The following MACROD2 variants were observed in gnomAD, a reference collection of about 807,000 sequenced individuals.
MACROD2 encodes mono-ADP ribosylhydrolase 2.
A neutral mutation model predicts 70.4 loss-of-function variants in MACROD2; 36 were observed. The ratio of observed to expected loss-of-function variants is 0.51; its 90% CI spans 0.39 to 0.68. The LOEUF is 0.68. Ranked by LOEUF, MACROD2 falls within the 30% of genes least tolerant of loss-of-function variation. The probability of loss-of-function intolerance (pLI) is 0.00; values close to 1 mark genes in which losing one functional copy is unlikely to be tolerated. For missense variants in MACROD2, 496 were observed against 538.4 expected (o/e 0.92, Z 0.78); for synonymous variants, 172 against 178.8 (o/e 0.96, Z 0.30).
intron 5 of MACROD2, among the ~76,000 whole-genome samples, chr20:14,887,701 C>T (rs996507394): frequency 3.3e-5 from 5 of 152,024 alleles, no homozygotes; most frequent in Non-Finnish European, 5.9e-5. Flanking sequence ...TTGAGCATTT[C>T]TTGAAAAATA....
chr20:14,996,283 G>A (rs1036197811), intron 5 of MACROD2, among the ~76,000 whole-genome samples: 8 of 152,136 alleles, frequency 5.3e-5, no homozygotes, highest in Admixed American at 2.0e-4. Context: ...GGGAACTTCC[G>A]GAGGTCAGCC....
intron 8 of MACROD2, among the ~76,000 whole-genome samples, chr20:15,729,439 TGTTA>T (rs1174921060): frequency 6.6e-6 from 1 of 152,178 alleles, no homozygotes; most frequent in African/African-American, 2.4e-5. Context: ...TGAATATCTT[TGTTA>T]GTTTTTTGCG....
chr20:14,873,314 T>C (rs1669813902), intron 5 of MACROD2, among the ~76,000 whole-genome samples: 1 of 152,126 alleles, frequency 6.6e-6, no homozygotes, highest in African/African-American at 2.4e-5. Flanking sequence ...TTTTCTTTTA[T>C]TAGGTTTCTT....
chr20:14,705,459 A>G (rs919731643), intron 5 of MACROD2, among the ~76,000 whole-genome samples: 3 of 152,172 alleles, frequency 2.0e-5, no homozygotes, highest in African/African-American at 7.2e-5. Context: ...CTATATCCCC[A>G]GGACTGATTT....
At chr20:14,938,343 T>A (rs758547914) in intron 5 of MACROD2, among the ~76,000 whole-genome samples, 2 of 152,196 alleles carry the variant, frequency 1.3e-5, no homozygotes, top group South Asian at 4.1e-4. Flanking sequence ...CTTTAGATCC[T>A]TGTCAGCATC....
At chr20:15,131,140 C>T (rs1011387595) in intron 5 of MACROD2, among the ~76,000 whole-genome samples, 1 of 152,036 alleles carries the variant, frequency 6.6e-6, no homozygotes, top group Non-Finnish European at 1.5e-5. Flanking sequence ...TCTAATCATG[C>T]ACATAGAGGT....
At chr20:14,595,655 T>C (rs184277201) in intron 4 of MACROD2, among the ~76,000 whole-genome samples, 34 of 152,314 alleles carry the variant, frequency 2.2e-4, no homozygotes, top group African/African-American at 7.5e-4. Context: ...AGTCGAATTT[T>C]CTCTTCAGGA....
intron 8 of MACROD2, among the ~76,000 whole-genome samples, chr20:15,562,784 G>A (rs916383541): frequency 6.6e-6 from 1 of 152,196 alleles, no homozygotes; most frequent in Non-Finnish European, 1.5e-5. Context: ...CCATGGCAGA[G>A]ATGAAAATAA....
intron 5 of MACROD2, among the ~76,000 whole-genome samples, chr20:15,063,455 C>G (rs1181004975): frequency 1.3e-5 from 2 of 152,120 alleles, no homozygotes; most frequent in Non-Finnish European, 2.9e-5. Flanking sequence ...AAGAAGCCTG[C>G]CTATCATGGA....
chr20:14,814,148 G>GA (rs1330955456), intron 5 of MACROD2, among the ~76,000 whole-genome samples: 58 of 152,224 alleles, frequency 3.8e-4, no homozygotes, highest in African/African-American at 1.0e-3. Flanking sequence ...TTAAACATCA[G>GA]AATGGAGAAA....
At chr20:14,674,728 T>G (rs1396911638) in intron 4 of MACROD2, among the ~76,000 whole-genome samples, 3 of 152,196 alleles carry the variant, frequency 2.0e-5, no homozygotes. Flanking sequence ...ATATTATTAT[T>G]TGATTTCCCC....
At chr20:14,574,722 A>C (rs896434645) in intron 4 of MACROD2, among the ~76,000 whole-genome samples, 2 of 151,330 alleles carry the variant, frequency 1.3e-5, no homozygotes, top group Admixed American at 6.6e-5. Flanking sequence ...CATTTTATAA[A>C]TATTCACGGC....
intron 6 of MACROD2, among the ~76,000 whole-genome samples, chr20:15,400,531 TC>T (rs2045915119): frequency 6.6e-6 from 1 of 152,130 alleles, no homozygotes; most frequent in African/African-American, 2.4e-5. Flanking sequence ...CAATGCAAAG[TC>T]AATAGATATT....
In MACROD2 at chr20:14,227,511, C is replaced by G. The variant is rs144549197; in HGVS notation, c.271+141783C>G. 8.5e-3 allele frequency among the ~76,000 whole-genome samples: 1,301 copies of G among 152,202 alleles called. 6 individuals are homozygous for G. Among genetic ancestry groups the G allele is most frequent in the South Asian group, 0.015 (71 of 4,814 alleles). On this transcript the variant is annotated intron_variant, in intron 3 of 17. Transcript: ENST00000684519. ...GCCTTAAGAGCTGTAACACTCGCCG[C>G]CAAGGTCTGCAGCTTCACTCCTGAG...
intron 4 of MACROD2, among the ~76,000 whole-genome samples, chr20:14,663,462 T>C (rs1020080421): frequency 6.6e-6 from 1 of 151,458 alleles, no homozygotes; most frequent in South Asian, 2.1e-4. Context: ...AACCTGCACA[T>C]GTACCCCTGA....
intron 5 of MACROD2, among the ~76,000 whole-genome samples, chr20:14,979,854 A>G (rs1600902856): frequency 6.6e-6 from 1 of 152,202 alleles, no homozygotes; most frequent in Non-Finnish European, 1.5e-5. Flanking sequence ...TGCCTTTGTC[A>G]CTAAATTAAC....
intron 5 of MACROD2, among the ~76,000 whole-genome samples, chr20:15,185,771 A>G (rs1480419624): frequency 1.1e-4 from 16 of 152,232 alleles, no homozygotes. Flanking sequence ...TGCTTAGTTC[A>G]GAGTCGACTA....
chr20:14,668,568 C>A (rs943759652), intron 4 of MACROD2, among the ~76,000 whole-genome samples: 5 of 152,054 alleles, frequency 3.3e-5, no homozygotes, highest in African/African-American at 1.2e-4. Flanking sequence ...TGACTACTTT[C>A]TTAACAAAAA....
At chr20:14,882,877 G>A (rs1390499138) in intron 5 of MACROD2, among the ~76,000 whole-genome samples, 1 of 152,124 alleles carries the variant, frequency 6.6e-6, no homozygotes, top group Non-Finnish European at 1.5e-5. Flanking sequence ...TAGACCTTAT[G>A]TAACAGATGT....
Sources: gnomAD v4.1 joint callset for allele counts (sites outside exome capture counted in the v4.1 genomes callset) on GRCh38, gnomAD v4.1.1 for gene constraint, MANE v1.5 for transcripts, NCBI Gene and HGNC (gene_info 2026-07-23, HGNC 2026-07-21) for gene names.